DLGAP2: variants seen among roughly 807,000 people sequenced by gnomAD.
DLGAP2 encodes DLG associated protein 2.
Under a neutral mutation model 100.3 loss-of-function variants are expected in DLGAP2, and 26 were observed. That is an observed-to-expected ratio of 0.26 (90% CI 0.19 to 0.36). The LOEUF is 0.36. Ranked by LOEUF, DLGAP2 falls within the 10% of genes least tolerant of loss-of-function variation. The pLI is 1.00. For missense variants in DLGAP2, 1,858 were observed against 1,453.2 expected (o/e 1.28, Z -4.53); for synonymous variants, 886 against 630.1 (o/e 1.41, Z -6.08).
chr8:898,768 T>C (rs918498642), intron 1 of DLGAP2, among the ~76,000 whole-genome samples: 4 of 152,182 alleles, frequency 2.6e-5, no homozygotes, highest in Non-Finnish European at 5.9e-5. Context: ...TGCTCACCGT[T>C]CTTCTGGTGC....
chr8:1,440,436 C>T (rs149055624), intron 3 of DLGAP2, among the ~76,000 whole-genome samples: 39 of 152,286 alleles, frequency 2.6e-4, no homozygotes, highest in African/African-American at 8.4e-4. Context: ...CACTCCGCTG[C>T]GAGTGCACGG....
intron 2 of DLGAP2, among the ~76,000 whole-genome samples, chr8:1,204,222 A>C (rs1431407269): frequency 6.6e-6 from 1 of 152,216 alleles, no homozygotes; most frequent in East Asian, 1.9e-4. Context: ...ATCTGCTCCT[A>C]CTGTGTGCCC....
intron 2 of DLGAP2, among the ~76,000 whole-genome samples, chr8:1,141,490 G>GA (rs1796521647): frequency 6.6e-6 from 1 of 152,048 alleles, no homozygotes; most frequent in Non-Finnish European, 1.5e-5. Context: ...ATTAAAAAAA[G>GA]AAAAATGTAA....
intron 3 of DLGAP2, among the ~76,000 whole-genome samples, chr8:1,339,133 C>G (rs1402958406): frequency 6.7e-6 from 1 of 148,400 alleles, no homozygotes; most frequent in African/African-American, 2.5e-5. Flanking sequence ...ATGCAGTGAC[C>G]TCAGTGAGGC....
At chr8:1,272,595 A>T (rs1033295301) in intron 3 of DLGAP2, among the ~76,000 whole-genome samples, 3 of 152,208 alleles carry the variant, frequency 2.0e-5, no homozygotes, top group Non-Finnish European at 4.4e-5. Flanking sequence ...GATCATGCCA[A>T]AGCAATGCAA....
chr8:1,313,921 C>G (rs1450480990), intron 3 of DLGAP2, among the ~76,000 whole-genome samples: 1 of 152,076 alleles, frequency 6.6e-6, no homozygotes, highest in Non-Finnish European at 1.5e-5. Context: ...CGCACGGTAG[C>G]TTTCCACACA....
chr8:1,181,568 G>C (rs903932779), intron 2 of DLGAP2, among the ~76,000 whole-genome samples: 2 of 151,860 alleles, frequency 1.3e-5, no homozygotes, highest in East Asian at 3.9e-4. Context: ...GAGAGGATCA[G>C]GAATTAACTA....
At chr8:803,463 C>T (rs1360404265) in intron 1 of DLGAP2, among the ~76,000 whole-genome samples, 2 of 152,132 alleles carry the variant, frequency 1.3e-5, no homozygotes, top group African/African-American at 4.8e-5. Flanking sequence ...GAGGCCACCT[C>T]TACTCTAGCT....
intron 3 of DLGAP2, among the ~76,000 whole-genome samples, chr8:1,327,812 C>G (rs1198229483): frequency 1.3e-5 from 2 of 152,130 alleles, no homozygotes; most frequent in Non-Finnish European, 2.9e-5. Context: ...CCACTGCACT[C>G]CAGCCTGGGC....
At chr8:988,821 T>C (rs1163653405) in intron 2 of DLGAP2, among the ~76,000 whole-genome samples, 1 of 152,208 alleles carries the variant, frequency 6.6e-6, no homozygotes, top group Middle Eastern at 3.2e-3. Context: ...CTGCTTTTTC[T>C]GCATCATTTC....
chr8:1,614,179 A>T (rs917004697), intron 6 of DLGAP2, among the ~76,000 whole-genome samples: 8 of 152,062 alleles, frequency 5.3e-5, no homozygotes, highest in Admixed American at 4.6e-4. Flanking sequence ...TCCTTCACAA[A>T]CCCCACCAGC....
intron 12 of DLGAP2, among the ~76,000 whole-genome samples, chr8:1,690,363 T>C (rs879742022): frequency 6.8e-6 from 1 of 147,082 alleles, no homozygotes; most frequent in Non-Finnish European, 1.5e-5. Context: ...CTCAAGAAAA[T>C]AAATAAATAA....
intron 2 of DLGAP2, among the ~76,000 whole-genome samples, chr8:974,610 A>G (rs993900888): frequency 9.9e-5 from 15 of 152,232 alleles, no homozygotes; most frequent in Middle Eastern, 3.2e-3. Context: ...AGAAGTTTCC[A>G]AAATATATAG....
Position 949,798 on chromosome 8 carries a change from C to G in DLGAP2, c.73+41832C>G, listed in dbSNP as rs61602051. On this transcript the variant is annotated intron_variant, in intron 2 of 14. Coordinates refer to ENST00000637795, the MANE Select transcript of DLGAP2 (RefSeq NM_001346810.2). Reference sequence around the variant, plus strand: ...GGCTTTTGTGGGGGCCGTCCTGGGACGCAGGTCACGCGGGCCCTCCAGAGA... The same window carrying G: ...GGCTTTTGTGGGGGCCGTCCTGGGAGGCAGGTCACGCGGGCCCTCCAGAGA... Among the ~76,000 whole-genome samples the G allele has an allele frequency of 2.0e-5, 3 of 152,212 alleles. No homozygotes were observed. In the South Asian group the frequency reaches 6.2e-4, roughly 32 times the overall value.
At chr8:1,550,969 C>T (rs555781243) in intron 5 of DLGAP2, among the ~76,000 whole-genome samples, 1 of 152,232 alleles carries the variant, frequency 6.6e-6, no homozygotes, top group East Asian at 1.9e-4. Flanking sequence ...GCTGGCTGAG[C>T]CAACAGGCAG....
intron 3 of DLGAP2, among the ~76,000 whole-genome samples, chr8:1,359,244 A>C (rs1801922830): frequency 6.6e-6 from 1 of 152,132 alleles, no homozygotes; most frequent in Admixed American, 6.5e-5. Flanking sequence ...CCCGGGACGC[A>C]TCCCCTTCTC....
At chr8:1,501,899 C>T (rs139685614) in intron 4 of DLGAP2, among the ~76,000 whole-genome samples, 61 of 152,302 alleles carry the variant, frequency 4.0e-4, no homozygotes, top group Admixed American at 6.5e-4. Context: ...GAGGCTGCCA[C>T]GACACACTTT....
chr8:1,334,432 G>T (rs1257904801), intron 3 of DLGAP2, among the ~76,000 whole-genome samples: 2 of 152,194 alleles, frequency 1.3e-5, no homozygotes, highest in Non-Finnish European at 2.9e-5. Context: ...TGAATTTTCT[G>T]TAAATATGTG....
At chr8:1,334,926 A>G (rs1181606702) in intron 3 of DLGAP2, among the ~76,000 whole-genome samples, 1 of 152,154 alleles carries the variant, frequency 6.6e-6, no homozygotes, top group Non-Finnish European at 1.5e-5. Context: ...GCGGGGCACA[A>G]GTTTGCCATC....
Sources: gnomAD v4.1 joint callset for allele counts (sites outside exome capture counted in the v4.1 genomes callset) on GRCh38, gnomAD v4.1.1 for gene constraint, MANE v1.5 for transcripts, NCBI Gene and HGNC (gene_info 2026-07-23, HGNC 2026-07-21) for gene names.